The following TMOD3 variants were observed in gnomAD, a reference collection of about 807,000 sequenced individuals.
TMOD3 encodes the protein tropomodulin 3.
TMOD3 carries 20 observed loss-of-function variants against 39.2 expected under a neutral mutation model. The ratio of observed to expected loss-of-function variants is 0.51; its 90% CI spans 0.36 to 0.74. TMOD3 has a LOEUF of 0.74. Among genes scored for constraint, TMOD3 ranks in the 30% least tolerant of loss-of-function variants. The probability of loss-of-function intolerance (pLI) is 0.00; values close to 1 mark genes in which losing one functional copy is unlikely to be tolerated. For missense variants in TMOD3, 381 were observed against 412.8 expected, an observed-to-expected ratio of 0.92 and a Z score of 0.67; for synonymous variants, 143 against 145.8, an observed-to-expected ratio of 0.98 and a Z score of 0.14.
chr15:51,901,156 A>G (rs2056648235), intron 8 of TMOD3: 1 of 152,252 alleles, frequency 6.6e-6, no homozygotes, highest in Admixed American at 6.5e-5. Context: ...CTGGAGGTTC[A>G]TCTGTATTGT....
In TMOD3 at chr15:51,908,915, A is replaced by T. The variant is rs2056696059; in HGVS notation, c.*105A>T. 2.3e-6 allele frequency: 2 copies of T among 883,906 alleles called. No homozygotes were observed. Among genetic ancestry groups the T allele is most frequent in the Non-Finnish European group, 3.4e-6 (2 of 591,394 alleles). The allele number at this position is 883,906 out of a possible 1,614,324, so 54.8% of individuals were successfully genotyped here. On this transcript the variant is annotated 3_prime_UTR_variant, in exon 10 of 10. Transcript: ENST00000308580. The stretch of plus-strand genomic sequence containing the variant: ...GGGTAGAAGGGAAAAGACTGGAAAA[A>T]TTTTTTTAGTGACATGCATTTTTTT...
At chr15:51,886,941 A>G (rs2056567420) in intron 3 of TMOD3, among the ~76,000 whole-genome samples, 1 of 152,158 alleles carries the variant, frequency 6.6e-6, no homozygotes, top group African/African-American at 2.4e-5. Flanking sequence ...AATTGGGGCC[A>G]GGTGCGGTAG....
chr15:51,897,529 G>A (rs1364803682), intron 7 of TMOD3, among the ~76,000 whole-genome samples: 17 of 127,738 alleles, frequency 1.3e-4, no homozygotes, highest in African/African-American at 2.1e-4. Flanking sequence ...CTGTTGCCCC[G>A]GCTAGAGTGC....
At position 51,908,953 on chromosome 15, in the gene TMOD3, C is replaced by G; in HGVS notation, c.*143C>G. Reference sequence around the variant, plus strand: ...CATGCATTTTTTTTTTAGTTGTTATCAAATTGTAAAATCAGTAATGTGATA... The same window carrying G: ...CATGCATTTTTTTTTTAGTTGTTATGAAATTGTAAAATCAGTAATGTGATA... On this transcript the variant is annotated 3_prime_UTR_variant, in exon 10 of 10. Coordinates refer to ENST00000308580, the MANE Select transcript of TMOD3 (RefSeq NM_014547.5). 2.1e-6 allele frequency: 1 copy of G among 471,478 alleles called. No individual in the cohort carries two copies. 29.2% of individuals were successfully genotyped at this position (471,478 alleles called of 1,614,324 possible).
chr15:51,859,926 C>G (rs2056408325), intron 1 of TMOD3: 1 of 543,772 alleles, frequency 1.8e-6, no homozygotes. Flanking sequence ...ATGGTTCTTT[C>G]CAACCTCTTC....
At chr15:51,845,393 A>G (rs1394447862) in intron 1 of TMOD3, among the ~76,000 whole-genome samples, 2 of 152,298 alleles carry the variant, frequency 1.3e-5, no homozygotes, top group Admixed American at 6.5e-5. Context: ...CAGAACCCCT[A>G]AGTCCATAGA....
At chr15:51,886,693 AGAGGGAGAGG>A (rs968030254) in intron 3 of TMOD3, among the ~76,000 whole-genome samples, 2 of 151,060 alleles carry the variant, frequency 1.3e-5, no homozygotes, top group Non-Finnish European at 3.0e-5. Flanking sequence ...CTTGGGAGAG[AGAGGGAGAGG>A]GAGACCGTGG....
chr15:51,875,125 T>C (rs1053789928), intron 3 of TMOD3: 7 of 152,172 alleles, frequency 4.6e-5, no homozygotes, highest in Non-Finnish European at 1.0e-4. Context: ...AACCTCCTCT[T>C]TCTCACCTTT....
At chr15:51,851,684 A>G (rs1471409030) in intron 1 of TMOD3, among the ~76,000 whole-genome samples, 2 of 152,220 alleles carry the variant, frequency 1.3e-5, no homozygotes, top group African/African-American at 4.8e-5. Flanking sequence ...CTCAGGATAA[A>G]AATAGGTGTG....
intron 1 of TMOD3, among the ~76,000 whole-genome samples, chr15:51,856,411 A>G (rs1197185658): frequency 1.3e-5 from 2 of 152,274 alleles, no homozygotes; most frequent in East Asian, 1.9e-4. Flanking sequence ...GCAAAATTCT[A>G]TAATCTGAAT....
At chr15:51,901,572 A>AGTGTGTGTGT (rs57976840) in intron 8 of TMOD3, 2,166 of 184,844 alleles carry the variant, frequency 0.012, 28 homozygotes, top group East Asian at 0.064. Flanking sequence ...TAAAAAGTTT[A>AGTGTGTGTGT]GTGTGTGTGT....
chr15:51,868,925 T>A (rs1334322021), intron 2 of TMOD3, among the ~76,000 whole-genome samples: 1 of 152,148 alleles, frequency 6.6e-6, no homozygotes, highest in Non-Finnish European at 1.5e-5. Flanking sequence ...TGAGCTGAGA[T>A]CATGCCACTG....
At chr15:51,869,533 A>G (rs1343743186) in intron 3 of TMOD3, among the ~76,000 whole-genome samples, 160 bp downstream of exon 3, 1 of 152,168 alleles carries the variant, frequency 6.6e-6, no homozygotes, top group Non-Finnish European at 1.5e-5. Flanking sequence ...CTTTATTTAC[A>G]TTTTTCATCA....
At chr15:51,865,268 T>A (rs2056439654) in intron 2 of TMOD3, among the ~76,000 whole-genome samples, 1 of 152,198 alleles carries the variant, frequency 6.6e-6, no homozygotes, top group Admixed American at 6.5e-5. Context: ...TTGTCAAATG[T>A]CCTCTAGGGG....
chr15:51,860,510 T>C (rs1366179326), intron 1 of TMOD3: 2 of 577,384 alleles, frequency 3.5e-6, no homozygotes, highest in Non-Finnish European at 6.8e-6. Flanking sequence ...GCCTTGCACT[T>C]TCTGAAGACA....
chr15:51,835,865 G>A (rs1458894144), intron 1 of TMOD3, among the ~76,000 whole-genome samples: 1 of 152,044 alleles, frequency 6.6e-6, no homozygotes, highest in Non-Finnish European at 1.5e-5. Flanking sequence ...ATCATAGTGT[G>A]CATATTGTTT....
chr15:51,894,581 A>AC (rs2056611684), intron 6 of TMOD3, among the ~76,000 whole-genome samples: 1 of 151,878 alleles, frequency 6.6e-6, no homozygotes, highest in Non-Finnish European at 1.5e-5. Flanking sequence ...TCATTCTCTG[A>AC]CCCCCAGCTC....
In TMOD3 at chr15:51,914,105, T is replaced by G. The variant is rs1236689398; in HGVS notation, c.*5295T>G. ...TGAGACCAGGAGTTTGAGACTACCATGGACAACATAGCAAGACCCCATCTT... is the reference window on the plus strand; with the variant it reads ...TGAGACCAGGAGTTTGAGACTACCAGGGACAACATAGCAAGACCCCATCTT... On this transcript the variant is annotated 3_prime_UTR_variant, in exon 10 of 10. Coordinates refer to ENST00000308580, the MANE Select transcript of TMOD3 (RefSeq NM_014547.5). The G allele has an allele frequency of 6.6e-6, 1 of 151,464 alleles. No individual in the cohort carries two copies. Among genetic ancestry groups the G allele is most frequent in the African/African-American group, 2.4e-5 (1 of 41,048 alleles). The allele number at this position is 151,464 out of a possible 1,614,324, so 9.4% of individuals were successfully genotyped here.
At chr15:51,853,480 C>T (rs2056372302) in intron 1 of TMOD3, among the ~76,000 whole-genome samples, 3 of 152,180 alleles carry the variant, frequency 2.0e-5, no homozygotes, top group African/African-American at 4.8e-5. Context: ...GGATGACAGG[C>T]GTGAGCCACT....
Sources: gnomAD v4.1 joint callset for allele counts (sites outside exome capture counted in the v4.1 genomes callset) on GRCh38, gnomAD v4.1.1 for gene constraint, MANE v1.5 for transcripts, NCBI Gene and HGNC (gene_info 2026-07-23, HGNC 2026-07-21) for gene names.